The following IGF2BP2 variants were observed in gnomAD, a reference collection of about 807,000 sequenced individuals.
IGF2BP2 encodes insulin like growth factor 2 mRNA binding protein 2.
Under a neutral mutation model 75.8 loss-of-function variants are expected in IGF2BP2, and 17 were observed. That is an observed-to-expected ratio of 0.22 (90% confidence interval 0.15 to 0.34). The LOEUF (loss-of-function observed/expected upper bound fraction) is 0.34. IGF2BP2 is among the 10% of genes least tolerant of loss of function. IGF2BP2 has a pLI of 1.00. For synonymous variants in IGF2BP2, 288 were observed against 295.6 expected, an observed-to-expected ratio of 0.97 and a Z score of 0.26; for missense variants, 516 against 772.4, an observed-to-expected ratio of 0.67 and a Z score of 3.93.
intron 2 of IGF2BP2, among the ~76,000 whole-genome samples, chr3:185,774,762 G>A (rs1734326134): frequency 6.6e-6 from 1 of 152,088 alleles, no homozygotes; most frequent in South Asian, 2.1e-4. Flanking sequence ...CCAGCACTTT[G>A]GGAGACCAAG....
chr3:185,754,644 T>C (rs566307098), intron 2 of IGF2BP2, among the ~76,000 whole-genome samples: 60 of 151,852 alleles, frequency 4.0e-4, no homozygotes, highest in South Asian at 1.7e-3. Flanking sequence ...AAAATGCTGA[T>C]AGAGATATGG....
intron 2 of IGF2BP2, among the ~76,000 whole-genome samples, chr3:185,767,366 T>C (rs1733226513): frequency 6.6e-6 from 1 of 152,224 alleles, no homozygotes; most frequent in Non-Finnish European, 1.5e-5. Flanking sequence ...TCCTAAAACC[T>C]TCCAGAACAA....
At chr3:185,687,925 G>C (rs1482635998) in intron 6 of IGF2BP2, among the ~76,000 whole-genome samples, 1 of 151,684 alleles carries the variant, frequency 6.6e-6, no homozygotes, top group Non-Finnish European at 1.5e-5. Flanking sequence ...ATTTAAACTT[G>C]TTACATTTTT....
At chr3:185,713,586 C>A (rs1031578700) in intron 2 of IGF2BP2, 12 of 469,908 alleles carry the variant, frequency 2.6e-5, no homozygotes, top group African/African-American at 2.4e-4. Flanking sequence ...GGAGCTCTTT[C>A]TCGTTATTTT....
intron 2 of IGF2BP2, among the ~76,000 whole-genome samples, chr3:185,808,953 T>C (rs1432156576): frequency 2.0e-5 from 3 of 152,298 alleles, no homozygotes; most frequent in Middle Eastern, 3.4e-3. Context: ...ACTTTGTCCA[T>C]TGGTAGGTAT....
rs908634008 is a variant in IGF2BP2 at position 185,645,965 on chromosome 3, C to T, written c.1708-342G>A. On this transcript the variant is annotated intron_variant, in intron 15 of 15. Coordinates refer to ENST00000382199, the MANE Select transcript of IGF2BP2 (RefSeq NM_006548.6). The surrounding 1 kb of genome is among the most constrained non-coding windows in gnomAD (Gnocchi z 4.9). ...TACACTTGGGCTCCCGTGCTGCTCC[C>T]GCCCCCGTTCTACAGCGGCTAGGAG... Among the ~76,000 whole-genome samples, 11 of 152,102 alleles carry T rather than the reference C, an allele frequency of 7.2e-5. No homozygotes were observed. Among genetic ancestry groups the T allele is most frequent in the Admixed American group, 5.9e-4 (9 of 15,264 alleles).
intron 7 of IGF2BP2, among the ~76,000 whole-genome samples, chr3:185,681,180 T>C (rs1720333445): frequency 6.6e-6 from 1 of 152,208 alleles, no homozygotes; most frequent in Non-Finnish European, 1.5e-5. Context: ...CACGATTTTA[T>C]ATGTAGAAAG....
At chr3:185,658,703 CACACACAT>C (rs144196800) in intron 10 of IGF2BP2, among the ~76,000 whole-genome samples, 96 of 152,336 alleles carry the variant, frequency 6.3e-4, no homozygotes, top group African/African-American at 2.1e-3. Flanking sequence ...TGGGTGTGAA[CACACACAT>C]ACACACATAC....
In IGF2BP2 at chr3:185,733,264, G is replaced by A. The variant is rs914334842; in HGVS notation, c.240-34917C>T. Reference sequence around the variant, plus strand: ...AGCCATATTTTCTCAATCCATTTCCGTATATTTCAGGAAGCTTGATCCCAA... The same window carrying A: ...AGCCATATTTTCTCAATCCATTTCCATATATTTCAGGAAGCTTGATCCCAA... On this transcript the variant is annotated intron_variant, in intron 2 of 15. Coordinates refer to ENST00000382199, the MANE Select transcript of IGF2BP2 (RefSeq NM_006548.6). Among the ~76,000 whole-genome samples, 10 of 152,220 alleles carry A rather than the reference G, an allele frequency of 6.6e-5. No individual in the cohort carries two copies. In the East Asian group the frequency reaches 1.2e-3, roughly 18 times the overall value.
Position 185,758,042 on chromosome 3 carries a change from T to A in IGF2BP2, c.240-59695A>T, listed in dbSNP as rs138625765. Among the ~76,000 whole-genome samples the A allele has an allele frequency of 2.2e-3, 334 of 152,336 alleles. 3 individuals carry two copies. The highest frequency in any genetic ancestry group is 7.5e-3 in the African/African-American group (312 of 41,576). ...CCAAGAACAATAATTGTCTTTTTCA[T>A]AGAGAATGTGCCAGTTTGCCTTAGG... On this transcript the variant is annotated intron_variant, in intron 2 of 15. Coordinates refer to ENST00000382199, the MANE Select transcript of IGF2BP2 (RefSeq NM_006548.6).
intron 2 of IGF2BP2, among the ~76,000 whole-genome samples, chr3:185,811,478 T>A (rs1236879734): frequency 6.6e-6 from 1 of 152,200 alleles, no homozygotes; most frequent in East Asian, 1.9e-4. Flanking sequence ...TTTTTTGACC[T>A]TCAGTGTCCA....
chr3:185,686,449 A>C (rs1721151790), intron 7 of IGF2BP2, among the ~76,000 whole-genome samples: 1 of 152,090 alleles, frequency 6.6e-6, no homozygotes, highest in South Asian at 2.1e-4. Context: ...AAGTGGAAGA[A>C]GAATAAAGCA....
chr3:185,672,461 C>A, intron 10 of IGF2BP2, 80 bp downstream of exon 10: 1 of 1,409,186 alleles, frequency 7.1e-7, no homozygotes. Context: ...AGCTTCCGTT[C>A]TGATTCCACA....
intron 2 of IGF2BP2, among the ~76,000 whole-genome samples, chr3:185,752,494 G>A (rs1731091492): frequency 6.6e-6 from 1 of 151,978 alleles, no homozygotes; most frequent in Non-Finnish European, 1.5e-5. Context: ...CCCTAATTTT[G>A]TTTTAATGGG....
chr3:185,742,287 G>T (rs531119637), intron 2 of IGF2BP2, among the ~76,000 whole-genome samples: 4 of 151,960 alleles, frequency 2.6e-5, no homozygotes, highest in African/African-American at 9.6e-5. Flanking sequence ...TGAGGTCAGG[G>T]GTTCGAGACC....
At chr3:185,695,344 C>T (rs62289078) in intron 4 of IGF2BP2, among the ~76,000 whole-genome samples, 7 of 152,284 alleles carry the variant, frequency 4.6e-5, no homozygotes, top group African/African-American at 7.2e-5. Flanking sequence ...CTTCAGCTTA[C>T]GTATGACTCT....
chr3:185,730,318 A>C (rs1727972070), intron 2 of IGF2BP2, among the ~76,000 whole-genome samples: 1 of 151,570 alleles, frequency 6.6e-6, no homozygotes, highest in Admixed American at 6.6e-5. Context: ...ATTCCGTGGT[A>C]TATTTATACC....
At chr3:185,678,495 T>C (rs1446059176) in intron 7 of IGF2BP2, among the ~76,000 whole-genome samples, 1 of 152,260 alleles carries the variant, frequency 6.6e-6, no homozygotes, top group Non-Finnish European at 1.5e-5. Context: ...CATTCCATTG[T>C]GATCAGAAAA....
At chr3:185,803,766 TA>T (rs768029163) in intron 2 of IGF2BP2, among the ~76,000 whole-genome samples, 5 of 151,958 alleles carry the variant, frequency 3.3e-5, no homozygotes, top group African/African-American at 9.7e-5. Flanking sequence ...TAAAGGGGGG[TA>T]GGGGTACTCA....
Sources: allele counts gnomAD v4.1 joint callset (sites outside exome capture counted in the v4.1 genomes callset), GRCh38; gene constraint gnomAD v4.1.1; non-coding constraint Gnocchi (gnomAD v3.1); transcripts MANE v1.5; gene names NCBI Gene and HGNC (gene_info 2026-07-23, HGNC 2026-07-21).